Variants in C21orf91 observed in about 807,000 individuals in gnomAD.
C21orf91 encodes protein EURL homolog.
Under a neutral mutation model 32.9 loss-of-function variants are expected in C21orf91, and 26 were observed. The ratio of observed to expected loss-of-function variants is 0.79; its 90% CI spans 0.58 to 1.10. The LOEUF (loss-of-function observed/expected upper bound fraction) is 1.10. Among genes scored for constraint, C21orf91 ranks in the 50% least tolerant of loss-of-function variants. C21orf91 has a pLI of 0.00. For synonymous variants in C21orf91, 126 were observed against 120.4 expected (o/e 1.05, Z -0.31); for missense variants, 310 against 341.3 (o/e 0.91, Z 0.72).
rs2062461471 is a variant in C21orf91, at chr21:17,790,095, C to T, written c.*3320G>A. 1 of 152,108 alleles carries T rather than the reference C, an allele frequency of 6.6e-6. No individual in the cohort carries two copies. The highest frequency in any genetic ancestry group is 2.4e-5 in the African/African-American group (1 of 41,444). The allele number at this position is 152,108 out of a possible 1,614,324, so 9.4% of individuals were successfully genotyped here. On this transcript the variant is annotated 3_prime_UTR_variant, in exon 5 of 5. Transcript: ENST00000284881. ...AAAAGTTGACAATAGAAGAATTTTA[C>T]ATGGTACCATTTCAAATTTTCATGT...
intron 2 of C21orf91, among the ~76,000 whole-genome samples, chr21:17,803,583 G>C (rs1210306592): frequency 6.6e-6 from 1 of 152,122 alleles, no homozygotes; most frequent in African/African-American, 2.4e-5. Flanking sequence ...TTTTCCAAGA[G>C]TAAAGGTGTT....
chr21:17,800,138 T>C (rs1321220785), intron 2 of C21orf91, among the ~76,000 whole-genome samples: 1 of 124,638 alleles, frequency 8.0e-6, no homozygotes, highest in African/African-American at 3.5e-5. Context: ...GAAATTTACA[T>C]ACAGAAAATA....
intron 2 of C21orf91, among the ~76,000 whole-genome samples, chr21:17,800,873 A>AT (rs1333110246): frequency 5.9e-5 from 9 of 151,460 alleles, no homozygotes; most frequent in Non-Finnish European, 1.2e-4. Flanking sequence ...TCTTAATCTT[A>AT]TTTTTTTTTA....
chr21:17,800,880 T>C (rs2146251788), intron 2 of C21orf91, among the ~76,000 whole-genome samples: 1 of 152,326 alleles, frequency 6.6e-6, no homozygotes, highest in African/African-American at 2.4e-5. Context: ...CTTATTTTTT[T>C]TTAAAGTATG....
At chr21:17,806,670 T>C (rs2062596288) in intron 2 of C21orf91, among the ~76,000 whole-genome samples, 2 of 152,142 alleles carry the variant, frequency 1.3e-5, no homozygotes, top group Admixed American at 1.3e-4. Context: ...TGAAATCTCA[T>C]CTCTACTAAA....
At chr21:17,806,122 GTCTC>G (rs1321135832) in intron 2 of C21orf91, among the ~76,000 whole-genome samples, 3 of 152,212 alleles carry the variant, frequency 2.0e-5, no homozygotes, top group Admixed American at 2.0e-4. Context: ...TGATAACTCT[GTCTC>G]TCTGCCTTTC....
chr21:17,813,028 GATAAGT>G (rs1032489640), intron 2 of C21orf91, among the ~76,000 whole-genome samples: 5 of 152,278 alleles, frequency 3.3e-5, no homozygotes, highest in African/African-American at 1.2e-4. Flanking sequence ...AATAGACTAA[GATAAGT>G]ATATTAAAGA....
At chr21:17,801,433 G>A (rs1258891243) in intron 2 of C21orf91, among the ~76,000 whole-genome samples, 2 of 152,016 alleles carry the variant, frequency 1.3e-5, no homozygotes, top group African/African-American at 4.8e-5. Flanking sequence ...ACCACGCCTG[G>A]CTAAGTTTTT....
In C21orf91 at chr21:17,790,610, G is replaced by C. The variant is rs564660491; in HGVS notation, c.*2805C>G. 24 of 152,146 alleles carry C rather than the reference G, an allele frequency of 1.6e-4. No homozygotes were observed. The highest frequency in any genetic ancestry group is 2.7e-4 in the Non-Finnish European group (18 of 67,908). The allele number at this position is 152,146 out of a possible 1,614,324, so 9.4% of individuals were successfully genotyped here. A position where few individuals can be genotyped will look rare whatever the true frequency, so the allele number is the denominator to read the frequency against. Reference sequence around the variant, plus strand: ...AAGAATGTGTCTTTGCTCCACCATTGTGCATAGTCAACGACACAACAAAAC... The same window carrying C: ...AAGAATGTGTCTTTGCTCCACCATTCTGCATAGTCAACGACACAACAAAAC... On this transcript the variant is annotated 3_prime_UTR_variant, in exon 5 of 5. Transcript: ENST00000284881.
chr21:17,812,210 C>T (rs1227537481), intron 2 of C21orf91, among the ~76,000 whole-genome samples: 2 of 152,162 alleles, frequency 1.3e-5, no homozygotes, highest in African/African-American at 4.8e-5. Flanking sequence ...ATTAAGCCTA[C>T]TTTCACTCTC....
chr21:17,812,003 C>T (rs971652054), intron 2 of C21orf91, among the ~76,000 whole-genome samples: 8 of 151,874 alleles, frequency 5.3e-5, no homozygotes, highest in South Asian at 4.2e-4. Flanking sequence ...AAATTTTAAA[C>T]GCACCCTAGA....
At chr21:17,809,232 A>C (rs958793380) in intron 2 of C21orf91, among the ~76,000 whole-genome samples, 3 of 152,222 alleles carry the variant, frequency 2.0e-5, no homozygotes, top group African/African-American at 7.2e-5. Context: ...TAATTTGTTC[A>C]GCCAAATTAA....
At chr21:17,817,657 T>C (rs2062673059) in intron 2 of C21orf91, 2 of 152,054 alleles carry the variant, frequency 1.3e-5, no homozygotes, top group Admixed American at 6.6e-5. Flanking sequence ...TTAGGGACAT[T>C]ATTAAAAAAA....
chr21:17,816,526 A>G (rs2062665755), intron 2 of C21orf91, among the ~76,000 whole-genome samples: 1 of 152,228 alleles, frequency 6.6e-6, no homozygotes, highest in African/African-American at 2.4e-5. Flanking sequence ...CAGTAGATCA[A>G]TGGTATTAAG....
chr21:17,807,649 T>G (rs1417303520), intron 2 of C21orf91, among the ~76,000 whole-genome samples: 1 of 152,152 alleles, frequency 6.6e-6, no homozygotes, highest in African/African-American at 2.4e-5. Context: ...ATATGGACAA[T>G]GAAGTCCAGT....
chr21:17,818,020 C>A (rs752341912), intron 2 of C21orf91, 172 bp downstream of exon 2: 2 of 431,264 alleles, frequency 4.6e-6, no homozygotes, highest in Admixed American at 8.3e-5. Context: ...AAATTCGTAA[C>A]TCTGTTAACT....
intron 2 of C21orf91, among the ~76,000 whole-genome samples, chr21:17,801,273 T>C (rs1212785544): frequency 2.0e-5 from 3 of 151,074 alleles, no homozygotes; most frequent in Admixed American, 6.6e-5. Context: ...AAACACCGTA[T>C]GTTTTTTTTT....
Position 17,793,412 on chromosome 21 carries a change from A to C in C21orf91, c.*3T>G, listed in dbSNP as rs2146243620. 6.3e-7 allele frequency: 1 copy of C among 1,594,328 alleles called. No individual in the cohort carries two copies. On this transcript the variant is annotated 3_prime_UTR_variant, in exon 5 of 5. Transcript: ENST00000284881. ...CAGGGCATACGAAGTAAGTCTGTTTAGGTCAGTTGTTTATGGGTAGGTGCG... is the reference window on the plus strand; with the variant it reads ...CAGGGCATACGAAGTAAGTCTGTTTCGGTCAGTTGTTTATGGGTAGGTGCG...
At position 17,808,402 on chromosome 21, in the gene C21orf91, G is replaced by C. The variant is rs552925642; in HGVS notation, c.127+9790C>G. Among the ~76,000 whole-genome samples the C allele has an allele frequency of 7.9e-5, 12 of 152,350 alleles. No individual in the cohort carries two copies. In the South Asian group the frequency reaches 2.3e-3, roughly 29 times the overall value. ...CAGGCAGAAGTCTGCTGCAGGGGTGGAGCCCTCATGGAGACCATCTACTAA... is the reference window on the plus strand; with the variant it reads ...CAGGCAGAAGTCTGCTGCAGGGGTGCAGCCCTCATGGAGACCATCTACTAA... On this transcript the variant is annotated intron_variant, in intron 2 of 4. Coordinates refer to ENST00000284881, the MANE Select transcript of C21orf91 (RefSeq NM_001100420.2).
Sources: gnomAD v4.1 joint callset for allele counts (sites outside exome capture counted in the v4.1 genomes callset) on GRCh38, gnomAD v4.1.1 for gene constraint, MANE v1.5 for transcripts, NCBI Gene and HGNC (gene_info 2026-07-23, HGNC 2026-07-21) for gene names.